CFDP1: variants seen among roughly 807,000 people sequenced by gnomAD.
CFDP1 encodes chromatin remodeling protein CFDP1.
In CFDP1, 31 loss-of-function variants were observed where a neutral mutation model predicts 40.1. That is an observed-to-expected ratio of 0.77 (90% confidence interval 0.58 to 1.04). The LOEUF (loss-of-function observed/expected upper bound fraction) is 1.04, where lower values mean the gene tolerates loss of function less well. Among genes scored for constraint, CFDP1 ranks in the 50% least tolerant of loss-of-function variants. CFDP1 has a pLI of 0.00. For missense variants in CFDP1, 423 were observed against 343.4 expected (o/e 1.23, Z -1.83); for synonymous variants, 167 against 120.0 (o/e 1.39, Z -2.56).
At chr16:75,374,353 T>C (rs908691259) in intron 5 of CFDP1, among the ~76,000 whole-genome samples, 4 of 152,220 alleles carry the variant, frequency 2.6e-5, no homozygotes, top group Non-Finnish European at 1.5e-5. Flanking sequence ...ATATGTATTT[T>C]TGTATTTTCA....
At chr16:75,314,983 C>G (rs1335669998) in intron 5 of CFDP1, among the ~76,000 whole-genome samples, 1 of 152,134 alleles carries the variant, frequency 6.6e-6, no homozygotes, top group Non-Finnish European at 1.5e-5. Flanking sequence ...ATCTCCTGAC[C>G]TCAAGTGATC....
chr16:75,309,012 G>A (rs1343620537), intron 5 of CFDP1, among the ~76,000 whole-genome samples: 1 of 152,192 alleles, frequency 6.6e-6, no homozygotes, highest in East Asian at 1.9e-4. Context: ...ATGTCCTAAT[G>A]TGATAGTCTC....
chr16:75,318,719 A>G (rs530928749), intron 5 of CFDP1, among the ~76,000 whole-genome samples: 10 of 152,186 alleles, frequency 6.6e-5, no homozygotes, highest in African/African-American at 2.4e-4. Context: ...GCTTTCTTAA[A>G]TATCTGCATC....
At chr16:75,398,236 T>G (rs1003094973) in intron 4 of CFDP1, among the ~76,000 whole-genome samples, 3 of 152,222 alleles carry the variant, frequency 2.0e-5, no homozygotes, top group Non-Finnish European at 4.4e-5. Context: ...ATTTTGTGAG[T>G]AAGAAAACTG....
intron 5 of CFDP1, among the ~76,000 whole-genome samples, chr16:75,341,111 C>G (rs1295103643): frequency 6.6e-6 from 1 of 152,198 alleles, no homozygotes; most frequent in African/African-American, 2.4e-5. Flanking sequence ...CTTTCTAATG[C>G]TTTCTTCCCT....
At chr16:75,319,333 C>G (rs868084324) in intron 5 of CFDP1, among the ~76,000 whole-genome samples, 1 of 152,216 alleles carries the variant, frequency 6.6e-6, no homozygotes. Context: ...TGAGCCACCA[C>G]GCCCAGCCCC....
rs1462412656 is a variant in CFDP1 at position 75,294,827 on chromosome 16, G to A, written c.810-785C>T. Among the ~76,000 whole-genome samples, 3 of 152,084 alleles carry A rather than the reference G, an allele frequency of 2.0e-5. No individual in the cohort carries two copies. The East Asian group carries it at 5.8e-4, about 29-fold the overall frequency. ...GGACACTCTGCTCCCTAATCTGGTTGGGTTCAGCAAACTTTCCCTCTGTCC... is the reference window on the plus strand; with the variant it reads ...GGACACTCTGCTCCCTAATCTGGTTAGGTTCAGCAAACTTTCCCTCTGTCC... On this transcript the variant is annotated intron_variant, in intron 6 of 6. Coordinates refer to ENST00000283882, the MANE Select transcript of CFDP1 (RefSeq NM_006324.3).
chr16:75,404,749 C>T (rs985266752), intron 4 of CFDP1, among the ~76,000 whole-genome samples: 2 of 150,472 alleles, frequency 1.3e-5, no homozygotes, highest in Admixed American at 6.6e-5. Context: ...ACAGAAAAGG[C>T]ATGAAAAACA....
chr16:75,392,661 C>T (rs948967330), intron 5 of CFDP1, among the ~76,000 whole-genome samples: 2 of 152,140 alleles, frequency 1.3e-5, no homozygotes, highest in Non-Finnish European at 2.9e-5. Flanking sequence ...CCAAGCCCAG[C>T]TAATTTTTGC....
chr16:75,431,180 G>A (rs2079409544), intron 1 of CFDP1, among the ~76,000 whole-genome samples: 1 of 151,718 alleles, frequency 6.6e-6, no homozygotes, highest in Admixed American at 6.6e-5. Flanking sequence ...GGCCTGGCAC[G>A]GTGGCTCACG....
At chr16:75,377,380 A>G (rs539499674) in intron 5 of CFDP1, among the ~76,000 whole-genome samples, 1 of 152,354 alleles carries the variant, frequency 6.6e-6, no homozygotes, top group East Asian at 1.9e-4. Context: ...TTCTACCACT[A>G]TATTGGTGTG....
intron 5 of CFDP1, among the ~76,000 whole-genome samples, chr16:75,358,851 T>C (rs1396379456): frequency 2.6e-5 from 4 of 152,178 alleles, no homozygotes; most frequent in African/African-American, 9.6e-5. Flanking sequence ...AGACTTTTGA[T>C]TGGCACTGAT....
At chr16:75,395,367 A>G (rs906950383) in intron 4 of CFDP1, among the ~76,000 whole-genome samples, 158 bp from the exon 5 acceptor site, 1 of 152,260 alleles carries the variant, frequency 6.6e-6, no homozygotes, top group African/African-American at 2.4e-5. Context: ...CTTTCAATAA[A>G]GACATTTGCC....
chr16:75,350,781 A>G (rs1383880065), intron 5 of CFDP1, among the ~76,000 whole-genome samples: 1 of 152,170 alleles, frequency 6.6e-6, no homozygotes, highest in Admixed American at 6.5e-5. Flanking sequence ...CTCTCAAATG[A>G]AAAAAAGTAG....
At chr16:75,392,576 C>A (rs117413481) in intron 5 of CFDP1, among the ~76,000 whole-genome samples, 1 of 152,142 alleles carries the variant, frequency 6.6e-6, no homozygotes, top group African/African-American at 2.4e-5. Flanking sequence ...CAGCTCACTT[C>A]GACCTCTGCC....
At chr16:75,319,128 C>T (rs1464447952) in intron 5 of CFDP1, among the ~76,000 whole-genome samples, 4 of 152,192 alleles carry the variant, frequency 2.6e-5, no homozygotes, top group African/African-American at 9.6e-5. Context: ...ACTGCAACCT[C>T]TGCCTCCCGG....
At chr16:75,419,688 TA>T (rs2079254560) in intron 1 of CFDP1, among the ~76,000 whole-genome samples, 1 of 152,064 alleles carries the variant, frequency 6.6e-6, no homozygotes, top group Admixed American at 6.6e-5. Flanking sequence ...ACCTTGCTGA[TA>T]AAACAGTCTG....
chr16:75,344,471 G>A (rs2078548279), intron 5 of CFDP1, among the ~76,000 whole-genome samples: 1 of 152,116 alleles, frequency 6.6e-6, no homozygotes, highest in Non-Finnish European at 1.5e-5. Flanking sequence ...GGTACAATTC[G>A]TGACTGAACA....
Position 75,293,913 on chromosome 16 carries a change from G to T in CFDP1, c.*39C>A. ...CACAGACGCACAAAAAGCTCACATTGTAAACAGGATTAAGCTGCTCTTGAT... is the reference window on the plus strand; with the variant it reads ...CACAGACGCACAAAAAGCTCACATTTTAAACAGGATTAAGCTGCTCTTGAT... On this transcript the variant is annotated 3_prime_UTR_variant, in exon 7 of 7. Coordinates refer to ENST00000283882, the MANE Select transcript of CFDP1 (RefSeq NM_006324.3). 6.6e-7 allele frequency: 1 copy of T among 1,522,138 alleles called. No homozygotes were observed. The highest frequency in any genetic ancestry group is 9.1e-7 in the Non-Finnish European group (1 of 1,097,458). 94.3% of individuals were successfully genotyped at this position (1,522,138 alleles called of 1,614,324 possible). A position where few individuals can be genotyped will look rare whatever the true frequency, so the allele number is the denominator to read the frequency against.
Sources: allele counts gnomAD v4.1 joint callset (sites outside exome capture counted in the v4.1 genomes callset), GRCh38; gene constraint gnomAD v4.1.1; transcripts MANE v1.5; gene names NCBI Gene and HGNC (gene_info 2026-07-23, HGNC 2026-07-21).